FBXO27: variants seen among roughly 807,000 people sequenced by gnomAD.
FBXO27 encodes F-box only protein 27.
In FBXO27, 28 loss-of-function variants were observed where a neutral mutation model predicts 28.3. That is an observed-to-expected ratio of 0.99 (90% CI 0.73 to 1.36). FBXO27 has a LOEUF of 1.36. Ranked by LOEUF, FBXO27 falls within the 40% of genes most tolerant of loss-of-function variation. The pLI is 0.00. For synonymous variants in FBXO27, 175 were observed against 167.3 expected, an observed-to-expected ratio of 1.05 and a Z score of -0.36; for missense variants, 388 against 394.1, an observed-to-expected ratio of 0.98 and a Z score of 0.13.
At chr19:39,015,406 G>A (rs1422600527) in intron 1 of FBXO27, among the ~76,000 whole-genome samples, 4 of 148,988 alleles carry the variant, frequency 2.7e-5, no homozygotes, top group Admixed American at 6.7e-5. Flanking sequence ...CAAGGCGGGC[G>A]GATTGCTTGA....
chr19:39,032,056 G>A lies in FBXO27; in HGVS notation c.172C>T (p.Arg58Ter). The part of the protein sequence containing the change: ...GRCRQVCRGW[R>*]ALVDGQALWL... ...AGGGCCTGGCCGTCCACCAGGGCTC[G>A]CCAGCCCCGGCACACTTGGCGGCAG... The change falls in exon 2 of 6, where the codon CGA becomes TGA. Residue 58 changes from arginine (R) to a stop codon, truncating the protein, a stop_gained. Coordinates refer to ENST00000292853, the MANE Select transcript of FBXO27 (RefSeq NM_178820.5). LOFTEE classifies it high-confidence loss of function. This position sits in a 1 kb window ranked among gnomAD's most constrained non-coding sequence, Gnocchi z 4.7. The A allele has an allele frequency of 1.3e-6, 2 of 1,528,290 alleles. No homozygotes were observed. The highest frequency in any genetic ancestry group is 2.7e-5 in the East Asian group (1 of 37,102). The allele number at this position is 1,528,290 out of a possible 1,614,324, so 94.7% of individuals were successfully genotyped here. A position where few individuals can be genotyped will look rare whatever the true frequency, so the allele number is the denominator to read the frequency against.
rs1465780933 is a variant in FBXO27 at position 39,032,179 on chromosome 19, C to T, written c.49G>A (p.Glu17Lys). ...RGRAARVPAP[E>K]PEPEEALDLS... ...TCCAGCGCCTCTTCGGGTTCCGGCT[C>T]CGGCGCGGGGACCCGGGCGGCCCGG... The change falls in exon 2 of 6, where the codon GAG becomes AAG. Residue 17 changes from glutamate (E) to lysine (K), a missense_variant. Physicochemically the swap from Glu to Lys is moderately conservative, Grantham distance 56. Transcript: ENST00000292853. This position sits in a 1 kb window ranked among gnomAD's most constrained non-coding sequence, Gnocchi z 4.7. The T allele has an allele frequency of 1.3e-6, 2 of 1,505,256 alleles. No individual in the cohort carries two copies. Among genetic ancestry groups the T allele is most frequent in the African/African-American group, 1.5e-5 (1 of 68,236 alleles). The allele number at this position is 1,505,256 out of a possible 1,614,324, so 93.2% of individuals were successfully genotyped here. A position where few individuals can be genotyped will look rare whatever the true frequency, so the allele number is the denominator to read the frequency against.
At chr19:39,021,776 C>T (rs910660484), downstream of FBXO27, among the ~76,000 whole-genome samples, 1 of 152,022 alleles carries the variant, frequency 6.6e-6, no homozygotes, top group African/African-American at 2.4e-5. Flanking sequence ...GATTCTCCTG[C>T]CTCAGCCTCC....
intron 1 of FBXO27, among the ~76,000 whole-genome samples, chr19:39,018,691 A>G (rs1369368098): frequency 6.6e-6 from 1 of 152,190 alleles, no homozygotes; most frequent in Non-Finnish European, 1.5e-5. Flanking sequence ...TAAAAAAAAG[A>G]AAATGAAATT....
chr19:39,032,447 T>G lies in FBXO27; in HGVS notation c.-27+56A>C. 3.1e-5 allele frequency: 17 copies of G among 556,728 alleles called. No homozygotes were observed. The highest frequency in any genetic ancestry group is 5.1e-4 in the Middle Eastern group (1 of 1,956). 34.5% of individuals were successfully genotyped at this position (556,728 alleles called of 1,614,324 possible). ...CCGCGGTCTGTGTGTATGCCCCGAA[T>G]TGCATGCAATCAGCCCCCCTCGGCG... On this transcript the variant is annotated intron_variant, in intron 1 of 5. Coordinates refer to ENST00000292853, the MANE Select transcript of FBXO27 (RefSeq NM_178820.5). The surrounding 1 kb of genome is among the most constrained non-coding windows in gnomAD (Gnocchi z 4.7).
chr19:39,029,333 A>C (rs952391144), intron 4 of FBXO27, among the ~76,000 whole-genome samples: 6 of 150,708 alleles, frequency 4.0e-5, no homozygotes, highest in Admixed American at 1.3e-4. Context: ...AGGCTGAGGC[A>C]GGAGAATCAC....
Position 39,027,076 on chromosome 19 carries a change from G to A in FBXO27, c.573-71C>T, listed in dbSNP as rs554114879. 198 of 1,579,594 alleles carry A rather than the reference G, an allele frequency of 1.3e-4. 2 individuals carry two copies. The highest frequency in any genetic ancestry group is 5.0e-4 in the South Asian group (43 of 86,568). ...CTTTGGGTGTCTGCCTACCTTGTCC[G>A]AATGCCCTTCCCATGTGTGCAAATC... On this transcript the variant is annotated intron_variant, in intron 4 of 5. Coordinates refer to ENST00000292853, the MANE Select transcript of FBXO27 (RefSeq NM_178820.5).
chr19:39,025,359 C>CCGT lies in FBXO27; in HGVS notation c.*51_*52insACG, dbSNP rs2072866694. ...TAATGAGGGGTCCCAGCCAATGGTC[C>CCGT]CAGGCCCTGGAAGGCACAGTCAGGC... On this transcript the variant is annotated 3_prime_UTR_variant, in exon 6 of 6. Coordinates refer to ENST00000292853, the MANE Select transcript of FBXO27 (RefSeq NM_178820.5). 59 of 1,581,270 alleles carry CCGT rather than the reference C, an allele frequency of 3.7e-5. No homozygotes were observed. The South Asian group carries it at 5.5e-4, about 15-fold the overall frequency.
chr19:39,030,005 C>A (rs1344467326), intron 4 of FBXO27, among the ~76,000 whole-genome samples: 2 of 152,266 alleles, frequency 1.3e-5, no homozygotes, highest in East Asian at 3.9e-4. Context: ...TGACGCCCAG[C>A]TAATTTTTTG....
chr19:39,011,145 AAGTGGCCGGGTGC>A, intron 2 of FBXO27, among the ~76,000 whole-genome samples: 1 of 152,334 alleles, frequency 6.6e-6, no homozygotes, highest in South Asian at 2.1e-4. Flanking sequence ...AAATTTTGAC[AAGTGGCCGGGTGC>A]AGTGGCTCAC....
intron 2 of FBXO27, 125 bp downstream of exon 2, chr19:39,031,739 C>T: frequency 2.2e-6 from 3 of 1,365,240 alleles, no homozygotes; most frequent in Non-Finnish European, 2.8e-6. Context: ...ACTCCTCCCA[C>T]CGGTCCCACT....
At chr19:39,030,766 C>A in intron 4 of FBXO27, 1 of 491,010 alleles carries the variant, frequency 2.0e-6, no homozygotes, top group Non-Finnish European at 3.7e-6. Context: ...CCAGGCCCGG[C>A]TAATTTTTTT....
rs1341048050 is a variant in FBXO27, at chr19:39,032,468, C to A, written c.-27+35G>T. The A allele has an allele frequency of 2.9e-5, 15 of 514,886 alleles. No homozygotes were observed. Among genetic ancestry groups the A allele is most frequent in the Non-Finnish European group, 4.1e-5 (13 of 316,200 alleles). 31.9% of individuals were successfully genotyped at this position (514,886 alleles called of 1,614,324 possible). ...CGAATTGCATGCAATCAGCCCCCCT[C>A]GGCGGCCGCACCGACACCGCACCCC... On this transcript the variant is annotated intron_variant, in intron 1 of 5. Coordinates refer to ENST00000292853, the MANE Select transcript of FBXO27 (RefSeq NM_178820.5). The surrounding 1 kb of genome is among the most constrained non-coding windows in gnomAD (Gnocchi z 4.7).
intron 2 of FBXO27, 34 bp from the exon 3 acceptor site, chr19:39,031,354 A>C (rs369952231): frequency 6.2e-7 from 1 of 1,606,500 alleles, no homozygotes; most frequent in South Asian, 1.1e-5. Context: ...CCCAAGTTCC[A>C]GTCGCCCGCC....
chr19:39,031,695 T>G (rs2072905235), intron 2 of FBXO27, among the ~76,000 whole-genome samples, 169 bp downstream of exon 2: 1 of 145,658 alleles, frequency 6.9e-6, no homozygotes, highest in African/African-American at 2.6e-5. Flanking sequence ...CTCCGGCACC[T>G]CACACCGGCT....
At chr19:39,031,782 C>A in intron 2 of FBXO27, 82 bp downstream of exon 2, 1 of 1,390,946 alleles carries the variant, frequency 7.2e-7, no homozygotes, top group South Asian at 1.6e-5. Flanking sequence ...TAGTACCGGT[C>A]CCAGTGCGGC....
At chr19:39,022,649 C>G (rs2072851014), downstream of FBXO27, among the ~76,000 whole-genome samples, 1 of 151,842 alleles carries the variant, frequency 6.6e-6, no homozygotes, top group Admixed American at 6.6e-5. Context: ...GAGACAAAGT[C>G]TCTGTCGCCC....
downstream of FBXO27, among the ~76,000 whole-genome samples, chr19:39,023,759 G>A (rs891297622): frequency 3.9e-5 from 6 of 152,154 alleles, no homozygotes; most frequent in East Asian, 5.8e-4. Flanking sequence ...GATTACAGGC[G>A]CGTGCCACCA....
Position 39,031,988 on chromosome 19 carries a change from G to C in FBXO27, c.240C>G (p.Arg80=), listed in dbSNP as rs774795479. The change falls in exon 2 of 6, where the codon CGC becomes CGG. Residue 80 remains arginine, a synonymous_variant. Coordinates refer to ENST00000292853, the MANE Select transcript of FBXO27 (RefSeq NM_178820.5). ...ILARDHGATG[R]ALLHLARSCQ... ...AGCTGCGGGCGAGGTGCAGCAGCGC[G>C]CGGCCGGTGGCGCCGTGGTCGCGGG... is the stretch of plus-strand genomic sequence containing the variant. 79 of 1,515,964 alleles carry C rather than the reference G, an allele frequency of 5.2e-5. No individual in the cohort carries two copies. Among genetic ancestry groups the C allele is most frequent in the Non-Finnish European group, 6.7e-5 (76 of 1,141,928 alleles). 93.9% of individuals were successfully genotyped at this position (1,515,964 alleles called of 1,614,324 possible). A position where few individuals can be genotyped will look rare whatever the true frequency, so the allele number is the denominator to read the frequency against.
Sources: allele counts gnomAD v4.1 joint callset (sites outside exome capture counted in the v4.1 genomes callset), GRCh38; gene constraint gnomAD v4.1.1; non-coding constraint Gnocchi (gnomAD v3.1); transcripts MANE v1.5; gene names NCBI Gene and HGNC (gene_info 2026-07-23, HGNC 2026-07-21).